The following RYR3 variants were observed in gnomAD, a reference collection of about 807,000 sequenced individuals.
RYR3 encodes the protein brain ryanodine receptor-calcium release channel.
RYR3 carries 207 observed loss-of-function variants against 584.3 expected under a neutral mutation model. The ratio of observed to expected loss-of-function variants is 0.35; its 90% confidence interval spans 0.32 to 0.40. RYR3 has a LOEUF of 0.40. RYR3 is among the 10% of genes least tolerant of loss of function. The pLI is 1.00. For missense variants in RYR3, 5,616 were observed against 6,089.2 expected (o/e 0.92, Z 2.59); for synonymous variants, 2,416 against 2,248.5 (o/e 1.07, Z -2.11).
intron 7 of RYR3, among the ~76,000 whole-genome samples, chr15:33,542,389 A>G (rs1438080320): frequency 6.6e-6 from 1 of 152,114 alleles, no homozygotes; most frequent in East Asian, 1.9e-4. Flanking sequence ...CTTAATCAAG[A>G]GGTTGGTCAT....
chr15:33,655,868 G>A (rs2062798255), intron 32 of RYR3, among the ~76,000 whole-genome samples: 1 of 152,114 alleles, frequency 6.6e-6, no homozygotes, highest in Admixed American at 6.5e-5. Flanking sequence ...ATGTCAAGAA[G>A]AACAGTCCAG....
At chr15:33,563,559 C>T (rs371828361) in intron 11 of RYR3, among the ~76,000 whole-genome samples, 1 of 152,090 alleles carries the variant, frequency 6.6e-6, no homozygotes, top group East Asian at 1.9e-4. Context: ...ATCTATTTAC[C>T]AGAAAGTCAA....
chr15:33,376,124 C>T (rs1163110263), intron 1 of RYR3, among the ~76,000 whole-genome samples: 4 of 152,156 alleles, frequency 2.6e-5, no homozygotes, highest in Non-Finnish European at 5.9e-5. Context: ...CCTTTTCAGG[C>T]AACGTTCTTC....
chr15:33,340,544 G>T (rs1971693528), intron 1 of RYR3, among the ~76,000 whole-genome samples: 1 of 152,112 alleles, frequency 6.6e-6, no homozygotes, highest in African/African-American at 2.4e-5. Flanking sequence ...CAAGATCAAG[G>T]TGTCGGCAGG....
chr15:33,577,765 A>G (rs1378302092), intron 12 of RYR3, among the ~76,000 whole-genome samples: 4 of 152,248 alleles, frequency 2.6e-5, no homozygotes, highest in African/African-American at 9.6e-5. Flanking sequence ...AAAATTGACA[A>G]ATGGGATCCA....
intron 12 of RYR3, among the ~76,000 whole-genome samples, chr15:33,575,321 A>T (rs965116664): frequency 1.3e-5 from 2 of 152,236 alleles, no homozygotes; most frequent in African/African-American, 4.8e-5. Context: ...AACAGAATAT[A>T]CATTCTTCTC....
chr15:33,555,294 T>C (rs1349929173), intron 10 of RYR3, among the ~76,000 whole-genome samples: 1 of 152,070 alleles, frequency 6.6e-6, no homozygotes, highest in Non-Finnish European at 1.5e-5. Context: ...TTTTTGCCAG[T>C]CCCCTTGCTT....
intron 1 of RYR3, among the ~76,000 whole-genome samples, chr15:33,315,429 T>C (rs1259197122): frequency 6.6e-6 from 1 of 151,958 alleles, no homozygotes; most frequent in Non-Finnish European, 1.5e-5. Flanking sequence ...GCAATGGAGG[T>C]AGTGCTAAAA....
Position 33,821,352 on chromosome 15 carries a change from T to C in RYR3, c.10898T>C (p.Met3633Thr), listed in dbSNP as rs2077095305. The part of the protein sequence containing the change: ...ERGAAEMVLQ[M>T]ISASKGEMSP... ...GGTGCTGCAGAGATGGTCCTTCAGA[T>C]GATAAGCGCTAGCAAAGGTGATTTC... Residue 3633 changes from methionine to threonine, a missense_variant, in exon 79 of 104, where the codon ATG (methionine) becomes ACG (threonine). Physicochemically the swap from Met to Thr is moderately conservative, Grantham distance 81 (BLOSUM62 -1). Around this residue, in one of 9 missense-constraint regions of RYR3, gnomAD observed 954 missense variants for 1,132.2 expected, o/e 0.84. Coordinates refer to ENST00000634891, the MANE Select transcript of RYR3 (RefSeq NM_001036.6). The C allele has an allele frequency of 1.9e-6, 3 of 1,602,254 alleles. No homozygotes were observed. Among genetic ancestry groups the C allele is most frequent in the Admixed American group, 1.7e-5 (1 of 58,304 alleles).
At chr15:33,852,832 AGT>A (rs2079245273) in intron 94 of RYR3, 1 of 484,174 alleles carries the variant, frequency 2.1e-6, no homozygotes, top group Non-Finnish European at 3.7e-6. Flanking sequence ...TGGCCTTCTG[AGT>A]GTTTCAAAAG....
Position 33,663,529 on chromosome 15 carries a change from C to A in RYR3, c.5419-8C>A. On this transcript the variant is annotated splice_region_variant and splice_polypyrimidine_tract_variant and intron_variant, in intron 35 of 103. Transcript: ENST00000634891. The stretch of plus-strand genomic sequence containing the variant: ...CAAAGTGTTATCTATATAATACTTT[C>A]ATTGCAGATGTGTGAGCTCCTCAGC... The A allele has an allele frequency of 6.2e-7, 1 of 1,612,152 alleles. No individual in the cohort carries two copies. The highest frequency in any genetic ancestry group is 8.5e-7 in the Non-Finnish European group (1 of 1,178,876).
intron 100 of RYR3, 33 bp downstream of exon 100, chr15:33,859,764 GGTT>G: frequency 1.3e-6 from 2 of 1,574,180 alleles, no homozygotes; most frequent in Non-Finnish European, 1.7e-6. Context: ...GTATGAACAG[GGTT>G]TAATCTAGTT....
In RYR3 at chr15:33,750,997, T is replaced by A. The variant is rs971374923; in HGVS notation, c.8399+711T>A. 8.9e-4 allele frequency among the ~76,000 whole-genome samples: 136 copies of A among 152,300 alleles called. 1 individual carries two copies. Among genetic ancestry groups the A allele is most frequent in the Non-Finnish European group, 1.4e-3 (96 of 68,026 alleles). On this transcript the variant is annotated intron_variant, in intron 57 of 103. Transcript: ENST00000634891. ...TTTTGGTTTTCTGTTTGGTTTTCAG[T>A]TCTTGTGTTAATTTGCTGAGAATGA...
intron 1 of RYR3, among the ~76,000 whole-genome samples, chr15:33,383,593 T>C (rs1334419023): frequency 6.6e-6 from 1 of 152,000 alleles, no homozygotes; most frequent in Non-Finnish European, 1.5e-5. Flanking sequence ...GCAGGGTTGT[T>C]GCATGGATAT....
intron 19 of RYR3, 142 bp downstream of exon 19, chr15:33,613,517 G>A: frequency 2.5e-6 from 2 of 788,596 alleles, no homozygotes; most frequent in East Asian, 5.6e-5. Context: ...GCAAGGGCAA[G>A]AGCCAACTAG....
At chr15:33,791,339 C>T (rs942723550) in intron 67 of RYR3, among the ~76,000 whole-genome samples, 6 of 149,804 alleles carry the variant, frequency 4.0e-5, no homozygotes, top group Non-Finnish European at 5.9e-5. Context: ...CAGCAACAGA[C>T]AGGAGGGCAG....
At chr15:33,847,314 G>A (rs2078789099) in intron 93 of RYR3, 1 of 152,226 alleles carries the variant, frequency 6.6e-6, no homozygotes, top group Admixed American at 6.5e-5. Flanking sequence ...ATCACTGTCT[G>A]AATTTTGTTC....
rs115007163 is a variant in RYR3, at chr15:33,647,506, T to C, written c.3978+46T>C. The stretch of plus-strand genomic sequence containing the variant: ...ATGGTTTTAATTATTTGATTCTTTG[T>C]TGTGCCTGGTAATATGCCCCTTACA... On this transcript the variant is annotated intron_variant, in intron 30 of 103. Transcript: ENST00000634891. The C allele has an allele frequency of 9.4e-4, 1,331 of 1,410,932 alleles. 8 individuals carry two copies. In the African/African-American group the frequency reaches 0.016, roughly 17 times the overall value. 87.4% of individuals were successfully genotyped at this position (1,410,932 alleles called of 1,614,324 possible).
At chr15:33,794,474 G>A (rs917731177) in intron 67 of RYR3, among the ~76,000 whole-genome samples, 3 of 150,510 alleles carry the variant, frequency 2.0e-5, no homozygotes, top group Non-Finnish European at 3.0e-5. Context: ...TCATAATAAC[G>A]TTAGCAGTGT....
Sources: allele counts gnomAD v4.1 joint callset (sites outside exome capture counted in the v4.1 genomes callset), GRCh38; gene constraint gnomAD v4.1.1; regional missense constraint gnomAD v4.1.1; transcripts MANE v1.5; gene names NCBI Gene and HGNC (gene_info 2026-07-23, HGNC 2026-07-21).